The following IL1RAPL1 variants were observed in gnomAD, a reference collection of about 807,000 sequenced individuals.
IL1RAPL1 encodes the protein interleukin 1 receptor accessory protein like 1.
A neutral mutation model predicts 48.4 loss-of-function variants in IL1RAPL1; 3 were observed. The ratio of observed to expected loss-of-function variants is 0.06; its 90% CI spans 0.03 to 0.16. IL1RAPL1 has a LOEUF of 0.16. IL1RAPL1 is among the 10% of genes least tolerant of loss of function. The pLI is 1.00. For synonymous variants in IL1RAPL1, 185 were observed against 187.7 expected (o/e 0.99, Z 0.12); for missense variants, 349 against 530.6 (o/e 0.66, Z 3.36).
At chrX:29,161,317 A>G (rs6630819) in intron 2 of IL1RAPL1, among the ~76,000 whole-genome samples, 1,323 of 111,943 alleles carry the variant, frequency 0.012, 20 homozygotes, top group African/African-American at 0.04. Context: ...TTCTAAGGGC[A>G]TACTTAATTA....
intron 3 of IL1RAPL1, among the ~76,000 whole-genome samples, chrX:29,350,191 T>TTATTTATATA (rs1555997049): frequency 5.1e-5 from 2 of 39,426 alleles, no homozygotes; most frequent in African/African-American, 1.7e-4. Flanking sequence ...TACTGTTATT[T>TTATTTATATA]TATATATATA....
At chrX:29,295,063 G>C (rs1395749326) in intron 3 of IL1RAPL1, among the ~76,000 whole-genome samples, 1 of 111,079 alleles carries the variant, frequency 9.0e-6, no homozygotes, top group African/African-American at 3.3e-5. Flanking sequence ...GCAATGGGGG[G>C]CCTATGTTTA....
chrX:28,975,859 T>A (rs774349591), intron 2 of IL1RAPL1, among the ~76,000 whole-genome samples: 1 of 111,849 alleles, frequency 8.9e-6, no homozygotes, highest in East Asian at 2.8e-4. Flanking sequence ...GAATAGGTGA[T>A]ATTTGAGAAA....
intron 5 of IL1RAPL1, among the ~76,000 whole-genome samples, chrX:29,559,507 T>G (rs1461150464): frequency 3.6e-5 from 4 of 112,159 alleles, no homozygotes; most frequent in Non-Finnish European, 7.5e-5. Context: ...GTCTCCTTAC[T>G]TGTTAGTGTT....
At chrX:28,972,465 G>A (rs1009781081) in intron 2 of IL1RAPL1, among the ~76,000 whole-genome samples, 66 of 111,836 alleles carry the variant, frequency 5.9e-4, no homozygotes, top group South Asian at 7.4e-4. Flanking sequence ...TGGGTCGGGC[G>A]CGGTGGCTCA....
intron 2 of IL1RAPL1, among the ~76,000 whole-genome samples, chrX:28,856,530 AT>A (rs1490759089): frequency 1.8e-5 from 2 of 111,365 alleles, no homozygotes; most frequent in Non-Finnish European, 3.8e-5. Context: ...TATCAATGCC[AT>A]TTTTTCAACG....
chrX:29,152,807 T>TG (rs1295791777), intron 2 of IL1RAPL1, among the ~76,000 whole-genome samples: 4 of 112,490 alleles, frequency 3.6e-5, no homozygotes, highest in Non-Finnish European at 7.5e-5. Context: ...GCAATGAATT[T>TG]GTTCAGTTAC....
chrX:29,699,637 A>G (rs2147115000), intron 6 of IL1RAPL1, among the ~76,000 whole-genome samples: 1 of 112,436 alleles, frequency 8.9e-6, no homozygotes, highest in African/African-American at 3.2e-5. Flanking sequence ...AAGTCACATC[A>G]TGGCAAATTA....
intron 2 of IL1RAPL1, among the ~76,000 whole-genome samples, chrX:29,169,570 A>G (rs1433795416): frequency 9.0e-6 from 1 of 111,125 alleles, no homozygotes; most frequent in Non-Finnish European, 1.9e-5. Flanking sequence ...ATATATGGTC[A>G]TTTAGTTTTA....
At chrX:29,456,945 C>T (rs1287076312) in intron 5 of IL1RAPL1, among the ~76,000 whole-genome samples, 14 of 110,279 alleles carry the variant, frequency 1.3e-4, no homozygotes, top group African/African-American at 4.6e-4. Flanking sequence ...CCAGCCTGGG[C>T]AACATAGTGG....
At chrX:29,094,469 A>G (rs1021791358) in intron 2 of IL1RAPL1, among the ~76,000 whole-genome samples, 1 of 109,025 alleles carries the variant, frequency 9.2e-6, no homozygotes, top group African/African-American at 3.3e-5. Flanking sequence ...TTAAAGAAAC[A>G]TCTATTGGCT....
chrX:29,496,183 G>T (rs1467842509), intron 5 of IL1RAPL1, among the ~76,000 whole-genome samples: 2 of 111,536 alleles, frequency 1.8e-5, no homozygotes, highest in African/African-American at 3.3e-5. Context: ...CCTACATATA[G>T]AATATTAAAA....
intron 5 of IL1RAPL1, among the ~76,000 whole-genome samples, chrX:29,587,105 C>T (rs1255677884): frequency 9.0e-6 from 1 of 110,961 alleles, no homozygotes; most frequent in Non-Finnish European, 1.9e-5. Context: ...AGGTCTTATG[C>T]AAAGCTGGGA....
chrX:28,846,671 A>G (rs1010003798), intron 2 of IL1RAPL1, among the ~76,000 whole-genome samples: 5 of 112,189 alleles, frequency 4.5e-5, no homozygotes, highest in Non-Finnish European at 7.5e-5. Context: ...TTTTAGTCAC[A>G]AAAATCATAT....
chrX:29,678,479 C>G lies in IL1RAPL1; in HGVS notation c.778+9975C>G, dbSNP rs970714795. On this transcript the variant is annotated intron_variant, in intron 6 of 10. Coordinates refer to ENST00000378993, the MANE Select transcript of IL1RAPL1 (RefSeq NM_014271.4). ...ACGCCATTCTCCTGCCTCAGCTTCCCGAGTAGCTGGGACTAGAGGCACCCG... is the reference window on the plus strand; with the variant it reads ...ACGCCATTCTCCTGCCTCAGCTTCCGGAGTAGCTGGGACTAGAGGCACCCG... Among the ~76,000 whole-genome samples the G allele has an allele frequency of 1.6e-4, 17 of 104,488 alleles. No homozygotes were observed. In the South Asian group the frequency reaches 7.8e-3, roughly 48 times the overall value. The allele number at this position is 104,488 out of a possible 115,157, so 90.7% of individuals were successfully genotyped here. A position where few individuals can be genotyped will look rare whatever the true frequency, so the allele number is the denominator to read the frequency against.
At chrX:29,828,995 A>G (rs959514568) in intron 6 of IL1RAPL1, among the ~76,000 whole-genome samples, 1 of 110,972 alleles carries the variant, frequency 9.0e-6, no homozygotes, top group African/African-American at 3.3e-5. Context: ...CCAACATTAT[A>G]ACCAAAGATG....
chrX:28,882,526 C>T (rs1319848377), intron 2 of IL1RAPL1, among the ~76,000 whole-genome samples: 2 of 111,279 alleles, frequency 1.8e-5, no homozygotes, highest in African/African-American at 3.3e-5. Context: ...ACCTGTAATC[C>T]CAGCTACTCA....
intron 3 of IL1RAPL1, among the ~76,000 whole-genome samples, chrX:29,311,973 A>G (rs1471979159): frequency 8.9e-6 from 1 of 111,900 alleles, no homozygotes. Flanking sequence ...TTCATTATTG[A>G]GTTATATCTA....
intron 1 of IL1RAPL1, among the ~76,000 whole-genome samples, chrX:28,665,273 T>C (rs1483254727): frequency 9.0e-6 from 1 of 111,068 alleles, no homozygotes; most frequent in East Asian, 2.8e-4. Context: ...GGACTCCTTA[T>C]CTAGACCCAT....
Sources: gnomAD v4.1 joint callset for allele counts (sites outside exome capture counted in the v4.1 genomes callset) on GRCh38, gnomAD v4.1.1 for gene constraint, MANE v1.5 for transcripts, NCBI Gene and HGNC (gene_info 2026-07-23, HGNC 2026-07-21) for gene names.